Variants in DNAH9 observed in about 807,000 individuals in gnomAD.
DNAH9 encodes the protein dynein axonemal heavy chain 9.
A neutral mutation model predicts 471.6 loss-of-function variants in DNAH9; 345 were observed. The observed-to-expected ratio is 0.73, with a 90% CI of 0.67 to 0.80. The LOEUF (loss-of-function observed/expected upper bound fraction) is 0.80. Ranked by LOEUF, DNAH9 falls within the 30% of genes least tolerant of loss-of-function variation. The pLI is 0.00. For synonymous variants in DNAH9, 2,093 were observed against 2,123.6 expected, an observed-to-expected ratio of 0.99 and a Z score of 0.40; for missense variants, 5,407 against 5,609.2, an observed-to-expected ratio of 0.96 and a Z score of 1.15.
At chr17:11,769,690 T>C (rs1255606815) in intron 38 of DNAH9, among the ~76,000 whole-genome samples, 2 of 152,222 alleles carry the variant, frequency 1.3e-5, no homozygotes, top group Non-Finnish European at 2.9e-5. Flanking sequence ...CTAGAGATCA[T>C]TTAATTCATC....
At position 11,894,450 on chromosome 17, in the gene DNAH9, C is replaced by A; in HGVS notation, c.11360C>A (p.Ala3787Asp). 1 of 1,614,168 alleles carries A rather than the reference C, an allele frequency of 6.2e-7. No homozygotes were observed. Among genetic ancestry groups the A allele is most frequent in the Non-Finnish European group, 8.5e-7 (1 of 1,180,014 alleles). Residue 3787 changes from alanine to aspartate, a missense_variant, in exon 59 of 69, where the codon GCC (alanine) becomes GAC (aspartate). Around this residue, in one of 3 missense-constraint regions of DNAH9, gnomAD observed 4,636 missense variants for 4,900.3 expected, o/e 0.95. Transcript: ENST00000262442. ...LLRSPVQTGT[A>D]SPVEFLSHQA... Reference sequence around the variant, plus strand: ...CGATCTCCAGTGCAGACGGGCACCGCCAGCCCCGTGGAGTTCCTCTCCCAT... The same window carrying A: ...CGATCTCCAGTGCAGACGGGCACCGACAGCCCCGTGGAGTTCCTCTCCCAT...
chr17:11,848,441 A>G (rs1971298653), intron 49 of DNAH9, among the ~76,000 whole-genome samples: 2 of 151,850 alleles, frequency 1.3e-5, no homozygotes, highest in Admixed American at 1.3e-4. Context: ...TGTTGAAAGG[A>G]TGGGAGTGCA....
chr17:11,611,939 T>C, intron 4 of DNAH9, 159 bp downstream of exon 4: 3 of 698,900 alleles, frequency 4.3e-6, no homozygotes, highest in Non-Finnish European at 5.1e-6. Context: ...TCTAGATACA[T>C]GAGAGCAGCT....
At chr17:11,778,577 G>A (rs1410352936) in intron 38 of DNAH9, among the ~76,000 whole-genome samples, 1 of 151,986 alleles carries the variant, frequency 6.6e-6, no homozygotes, top group East Asian at 1.9e-4. Flanking sequence ...TTGAGAATAT[G>A]GTGTAGGGAG....
At position 11,738,906 on chromosome 17, in the gene DNAH9, A is replaced by G. The variant is rs1350442883; in HGVS notation, c.5841A>G (p.Arg1947=). The G allele has an allele frequency of 6.2e-7, 1 of 1,613,998 alleles. No individual in the cohort carries two copies. Among genetic ancestry groups the G allele is most frequent in the Non-Finnish European group, 8.5e-7 (1 of 1,179,986 alleles). Residue 1947 remains arginine, a synonymous_variant, in exon 29 of 69, where the codon AGA becomes AGG. Coordinates refer to ENST00000262442, the MANE Select transcript of DNAH9 (RefSeq NM_001372.4). ...TAAAAAGCATTCAAGATGCGATTAG[A>G]GATAAGAAGCAGTGGTTCAGCTTCC... is the stretch of plus-strand genomic sequence containing the variant. The part of the protein sequence containing the change: ...VQVKSIQDAI[R]DKKQWFSFLG...
rs1970794668 is a variant in DNAH9, at chr17:11,834,859, A to G, written c.9468A>G (p.Ala3156=). ...AGGACCTGGCAAAGGCTGAGCCAGC[A>G]CTCACAGCAGCGCAGGCAGCTCTCA... is the stretch of plus-strand genomic sequence containing the variant. ...CEEDLAKAEP[A]LTAAQAALNT... is the part of the protein sequence containing the mutation. Residue 3156 remains alanine (A), a synonymous_variant, in exon 49 of 69, where the codon GCA becomes GCG. Coordinates refer to ENST00000262442, the MANE Select transcript of DNAH9 (RefSeq NM_001372.4). 3 of 1,613,794 alleles carry G rather than the reference A, an allele frequency of 1.9e-6. No individual in the cohort carries two copies. The East Asian group carries it at 6.7e-5, about 36-fold the overall frequency.
chr17:11,763,170 GGAA>G (rs1451633852), intron 35 of DNAH9, among the ~76,000 whole-genome samples: 2 of 152,088 alleles, frequency 1.3e-5, no homozygotes, highest in Non-Finnish European at 1.5e-5. Context: ...AAGAGAAGAG[GGAA>G]GAAGAAGTGG....
chr17:11,934,654 C>G lies in DNAH9; in HGVS notation c.12489+583C>G, dbSNP rs944354709. ...TTTTTAGTAGAGACGGGGTTTCACC[C>G]TGTTAGCCAGGATGGTCTTGATCTC... is the stretch of plus-strand genomic sequence containing the variant. On this transcript the variant is annotated intron_variant, in intron 65 of 68. Coordinates refer to ENST00000262442, the MANE Select transcript of DNAH9 (RefSeq NM_001372.4). Among the ~76,000 whole-genome samples the G allele has an allele frequency of 4.0e-5, 6 of 151,800 alleles. No homozygotes were observed. The East Asian group carries it at 5.9e-4, about 15-fold the overall frequency.
At chr17:11,685,801 A>AT (rs66577382) in intron 19 of DNAH9, among the ~76,000 whole-genome samples, 37,117 of 123,570 alleles carry the variant, frequency 0.3, 6,759 homozygotes, top group East Asian at 0.62. Flanking sequence ...GGATACATTA[A>AT]TTTTTTTTTT....
chr17:11,961,075 G>T (rs1355045728), intron 67 of DNAH9, among the ~76,000 whole-genome samples: 1 of 152,170 alleles, frequency 6.6e-6, no homozygotes, highest in African/African-American at 2.4e-5. Context: ...AGCACTTTGG[G>T]AGGCTGAGGT....
intron 28 of DNAH9, among the ~76,000 whole-genome samples, chr17:11,736,517 C>T (rs905128203): frequency 1.3e-5 from 2 of 152,186 alleles, no homozygotes; most frequent in African/African-American, 4.8e-5. Context: ...ACCCTCTGGC[C>T]TTTCCCAGGA....
chr17:11,862,656 G>T (rs370091739), intron 50 of DNAH9, among the ~76,000 whole-genome samples: 1 of 152,176 alleles, frequency 6.6e-6, no homozygotes, highest in East Asian at 1.9e-4. Context: ...CCATGAGCAT[G>T]GAATATTCTT....
chr17:11,765,387 G>C (rs1049106975), intron 36 of DNAH9, among the ~76,000 whole-genome samples: 19 of 152,124 alleles, frequency 1.2e-4, no homozygotes, highest in African/African-American at 4.6e-4. Flanking sequence ...GCCTCCCAAG[G>C]CAAAACCATG....
At chr17:11,857,103 A>C (rs1446227732) in intron 50 of DNAH9, among the ~76,000 whole-genome samples, 1 of 152,194 alleles carries the variant, frequency 6.6e-6, no homozygotes, top group Non-Finnish European at 1.5e-5. Context: ...ATATAACAAG[A>C]ACTGCATTTT....
chr17:11,894,263 G>T, intron 58 of DNAH9, 111 bp from the exon 59 acceptor site: 1 of 1,441,068 alleles, frequency 6.9e-7, no homozygotes, highest in Non-Finnish European at 9.5e-7. Flanking sequence ...CAAAATTGAT[G>T]GGCAAACTAG....
In DNAH9 at chr17:11,763,430, C is replaced by G. The variant is rs913289486; in HGVS notation, c.6996-10C>G. 6.2e-7 allele frequency: 1 copy of G among 1,613,268 alleles called. No individual in the cohort carries two copies. Among genetic ancestry groups the G allele is most frequent in the Non-Finnish European group, 8.5e-7 (1 of 1,179,454 alleles). On this transcript the variant is annotated splice_polypyrimidine_tract_variant and intron_variant, in intron 35 of 68. Coordinates refer to ENST00000262442, the MANE Select transcript of DNAH9 (RefSeq NM_001372.4). ...CTGTGTTTCAGATCCCCTCGGGTCTCTCTTTGCAGGTTTAAGAAGATCATT... is the reference window on the plus strand; with the variant it reads ...CTGTGTTTCAGATCCCCTCGGGTCTGTCTTTGCAGGTTTAAGAAGATCATT...
rs75213329 is a variant in DNAH9, at chr17:11,962,659, A to T, written c.13233+403A>T. ...CTGGCACATAGGCAGTTATCAAAAA[A>T]TGTTGGAGTCAGCTATCTCTGCTGC... On this transcript the variant is annotated intron_variant, in intron 68 of 68. Transcript: ENST00000262442. The surrounding 1 kb of genome is among the most constrained non-coding windows in gnomAD (Gnocchi z 4.1). 2.6e-5 allele frequency among the ~76,000 whole-genome samples: 4 copies of T among 152,154 alleles called. No individual in the cohort carries two copies. The highest frequency in any genetic ancestry group is 1.3e-4 in the Admixed American group (2 of 15,282).
intron 4 of DNAH9, chr17:11,612,861 T>C (rs2072666791): frequency 6.6e-6 from 1 of 152,240 alleles, no homozygotes; most frequent in Non-Finnish European, 1.5e-5. Flanking sequence ...ACTCTTTCTT[T>C]AAATACAATC....
intron 6 of DNAH9, among the ~76,000 whole-genome samples, chr17:11,622,946 C>CCTTTT (rs1046864337): frequency 1.3e-5 from 2 of 150,150 alleles, no homozygotes; most frequent in African/African-American, 4.9e-5. Flanking sequence ...CCCAGCTGCT[C>CCTTTT]CTTTTCTTTT....
Sources: gnomAD v4.1 joint callset for allele counts (sites outside exome capture counted in the v4.1 genomes callset) on GRCh38, gnomAD v4.1.1 for gene constraint, gnomAD v4.1.1 regional missense constraint, Gnocchi (gnomAD v3.1) non-coding constraint, MANE v1.5 for transcripts, NCBI Gene and HGNC (gene_info 2026-07-23, HGNC 2026-07-21) for gene names.